RBFOX1: variants seen among roughly 807,000 people sequenced by gnomAD.
RBFOX1 encodes the protein RNA binding protein fox-1 homolog 1.
RBFOX1 carries 8 observed loss-of-function variants against 57.7 expected under a neutral mutation model. The ratio of observed to expected loss-of-function variants is 0.14; its 90% CI spans 0.08 to 0.25. The LOEUF (loss-of-function observed/expected upper bound fraction) is 0.25, where lower values mean the gene tolerates loss of function less well. RBFOX1 is among the 10% of genes least tolerant of loss of function. The pLI, the probability that RBFOX1 is intolerant of heterozygous loss-of-function variation, is 1.00. For synonymous variants in RBFOX1, 326 were observed against 222.4 expected (o/e 1.47, Z -4.15); for missense variants, 611 against 548.5 (o/e 1.11, Z -1.14).
chr16:6,456,038 GA>G (rs5815313), intron 2 of RBFOX1, among the ~76,000 whole-genome samples: 121,286 of 151,912 alleles, frequency 0.8, 48,519 homozygotes, highest in Middle Eastern at 0.87. Context: ...AAAGAAGAAA[GA>G]AAAAAAGAAA....
intron 3 of RBFOX1, among the ~76,000 whole-genome samples, chr16:6,814,939 C>A (rs76113928): frequency 3.3e-5 from 5 of 152,200 alleles, no homozygotes; most frequent in Admixed American, 2.0e-4. Flanking sequence ...TAAGAAAATA[C>A]AGGAATAAAA....
chr16:6,541,941 T>TC (rs202145806), intron 2 of RBFOX1, among the ~76,000 whole-genome samples: 115 of 150,142 alleles, frequency 7.7e-4, no homozygotes, highest in African/African-American at 2.7e-3. Context: ...GATTTACATC[T>TC]CCCCCTTTTT....
chr16:6,184,647 C>T (rs1387366597), intron 1 of RBFOX1, among the ~76,000 whole-genome samples: 3 of 152,124 alleles, frequency 2.0e-5, no homozygotes, highest in Non-Finnish European at 4.4e-5. Context: ...GCAACCTCCG[C>T]CTCCCGGGTT....
chr16:6,372,684 G>T (rs187173416), intron 2 of RBFOX1, among the ~76,000 whole-genome samples: 3 of 144,708 alleles, frequency 2.1e-5, no homozygotes, highest in East Asian at 2.1e-4. Context: ...GATAGTTGGT[G>T]AGGATCTTTG....
intron 3 of RBFOX1, among the ~76,000 whole-genome samples, chr16:6,719,512 C>A (rs933607098): frequency 1.6e-4 from 25 of 151,568 alleles, no homozygotes; most frequent in African/African-American, 5.8e-4. Flanking sequence ...ATGATCTTGG[C>A]TCACTGTTAG....
At chr16:6,100,287 C>T (rs1380621186) in intron 1 of RBFOX1, among the ~76,000 whole-genome samples, 2 of 152,146 alleles carry the variant, frequency 1.3e-5, no homozygotes, top group Middle Eastern at 3.4e-3. Flanking sequence ...CTCAGCCTCC[C>T]GAGGAGCTGG....
At chr16:7,183,271 A>G (rs1282433801) in intron 4 of RBFOX1, among the ~76,000 whole-genome samples, 5 of 152,160 alleles carry the variant, frequency 3.3e-5, no homozygotes, top group South Asian at 4.1e-4. Flanking sequence ...ACGAAAACAT[A>G]TTCCCCAATG....
intron 2 of RBFOX1, among the ~76,000 whole-genome samples, chr16:5,522,373 A>C (rs192437606): frequency 1.6e-4 from 24 of 152,340 alleles, no homozygotes; most frequent in Admixed American, 5.2e-4. Flanking sequence ...AGCATTGAGG[A>C]AACGGTGGAG....
chr16:7,343,387 G>A (rs1309344848), intron 4 of RBFOX1, among the ~76,000 whole-genome samples: 1 of 152,156 alleles, frequency 6.6e-6, no homozygotes, highest in African/African-American at 2.4e-5. Context: ...CAGAGTGACA[G>A]GGGGCGGGAC....
At chr16:7,033,346 C>T (rs1303166470) in intron 3 of RBFOX1, among the ~76,000 whole-genome samples, 1 of 152,104 alleles carries the variant, frequency 6.6e-6, no homozygotes, top group Admixed American at 6.6e-5. Flanking sequence ...ATGGTGAAAC[C>T]CCGTCTCTAC....
At chr16:7,551,098 A>G (rs2086301029) in intron 5 of RBFOX1, among the ~76,000 whole-genome samples, 2 of 151,386 alleles carry the variant, frequency 1.3e-5, no homozygotes, top group East Asian at 1.9e-4. Context: ...CAAAAAAAAA[A>G]AAAAAAAGAA....
In RBFOX1 at chr16:5,390,021, G is replaced by T. The variant is rs142083497; in HGVS notation, c.220-77195G>T. ...GCCTGCTTTTCTTTTTAAAAATAGG[G>T]CTGTACTTTCCATTTTTATTCTGTA... On this transcript the variant is annotated intron_variant, in intron 1 of 2. Coordinates refer to the RBFOX1 transcript ENST00000585867. Among the ~76,000 whole-genome samples the T allele has an allele frequency of 1.9e-3, 282 of 152,096 alleles. 3 individuals carry two copies. The highest frequency in any genetic ancestry group is 6.3e-3 in the African/African-American group (263 of 41,492).
intron 4 of RBFOX1, among the ~76,000 whole-genome samples, chr16:7,317,080 T>G (rs1194460573): frequency 2.6e-5 from 4 of 151,802 alleles, no homozygotes; most frequent in Admixed American, 2.6e-4. Context: ...CTGCAGAGAA[T>G]AGAGGGAGAC....
intron 3 of RBFOX1, among the ~76,000 whole-genome samples, chr16:6,786,097 C>T (rs186362361): frequency 6.6e-6 from 1 of 152,180 alleles, no homozygotes; most frequent in African/African-American, 2.4e-5. Flanking sequence ...CTGGAGTGGG[C>T]TTTGTCACTT....
chr16:6,394,404 T>C (rs192915155), intron 2 of RBFOX1, among the ~76,000 whole-genome samples: 1 of 152,258 alleles, frequency 6.6e-6, no homozygotes. Flanking sequence ...CTAACTGAAC[T>C]GAATTACAGG....
intron 1 of RBFOX1, among the ~76,000 whole-genome samples, chr16:6,148,088 G>C (rs2096772006): frequency 6.6e-6 from 1 of 152,324 alleles, no homozygotes; most frequent in African/African-American, 2.4e-5. Flanking sequence ...CAGCACTTCG[G>C]GAGGCCGAGG....
intron 3 of RBFOX1, among the ~76,000 whole-genome samples, chr16:6,692,591 T>C (rs2060356750): frequency 6.6e-6 from 1 of 151,980 alleles, no homozygotes; most frequent in African/African-American, 2.4e-5. Flanking sequence ...AGCTGGAAAA[T>C]TTTTGTTGTC....
chr16:7,190,207 A>T (rs2085029795), intron 4 of RBFOX1, among the ~76,000 whole-genome samples: 1 of 152,098 alleles, frequency 6.6e-6, no homozygotes, highest in South Asian at 2.1e-4. Context: ...CTAAAAATAC[A>T]GAAATTACCC....
At chr16:6,440,891 G>A (rs544605889) in intron 2 of RBFOX1, among the ~76,000 whole-genome samples, 1 of 152,034 alleles carries the variant, frequency 6.6e-6, no homozygotes, top group African/African-American at 2.4e-5. Context: ...CAGTATGGAT[G>A]AGCTGGGAGA....
Sources: allele counts gnomAD v4.1 joint callset (sites outside exome capture counted in the v4.1 genomes callset), GRCh38; gene constraint gnomAD v4.1.1; transcripts MANE v1.5; gene names NCBI Gene and HGNC (gene_info 2026-07-23, HGNC 2026-07-21).